The following CLDN14 variants were observed in gnomAD, a reference collection of about 807,000 sequenced individuals.
CLDN14 encodes claudin 14, also known as claudin-14.
CLDN14 carries 2 observed loss-of-function variants against 2.1 expected under a neutral mutation model. That is an observed-to-expected ratio of 0.96 (90% CI 0.39 to 3.01). The LOEUF (loss-of-function observed/expected upper bound fraction) is 3.01, where lower values mean the gene tolerates loss of function less well. Ranked by LOEUF, CLDN14 falls within the 30% of genes most tolerant of loss-of-function variation. CLDN14 has a pLI of 0.09. For synonymous variants in CLDN14, 136 were observed against 154.4 expected, an observed-to-expected ratio of 0.88 and a Z score of 0.88; for missense variants, 298 against 328.0, an observed-to-expected ratio of 0.91 and a Z score of 0.71.
intron 2 of CLDN14, among the ~76,000 whole-genome samples, chr21:36,496,440 A>G (rs926487877): frequency 2.0e-5 from 3 of 147,372 alleles, no homozygotes; most frequent in Non-Finnish European, 3.0e-5. Context: ...TTGTTTCAAA[A>G]AAAAAAAAAA....
intron 1 of CLDN14, among the ~76,000 whole-genome samples, chr21:36,462,422 C>T (rs539985533): frequency 8.1e-4 from 124 of 152,236 alleles, no homozygotes; most frequent in African/African-American, 2.7e-3. Flanking sequence ...CACGGACCTC[C>T]GCTCCCAACA....
chr21:36,466,311 A>G (rs1182635095), intron 1 of CLDN14: 4 of 152,210 alleles, frequency 2.6e-5, no homozygotes. Context: ...TCATGCTGCT[A>G]TGAAGAACTG....
chr21:36,561,290 G>A (rs922277733), intron 1 of CLDN14, among the ~76,000 whole-genome samples: 1 of 152,246 alleles, frequency 6.6e-6, no homozygotes, highest in African/African-American at 2.4e-5. Flanking sequence ...TCTGTGGGTG[G>A]TGCTGGCTGT....
chr21:36,550,180 C>T (rs1247365341), intron 1 of CLDN14, among the ~76,000 whole-genome samples: 1 of 152,192 alleles, frequency 6.6e-6, no homozygotes, highest in Admixed American at 6.5e-5. Flanking sequence ...ACTAGGAGGA[C>T]ACAACCTACG....
intron 2 of CLDN14, among the ~76,000 whole-genome samples, chr21:36,504,883 G>A (rs2087118421): frequency 6.6e-6 from 1 of 152,168 alleles, no homozygotes; most frequent in Admixed American, 6.5e-5. Flanking sequence ...CCCAGAGATA[G>A]GAAAAGCTGG....
At chr21:36,563,237 T>C (rs551664776) in intron 1 of CLDN14, among the ~76,000 whole-genome samples, 1 of 152,302 alleles carries the variant, frequency 6.6e-6, no homozygotes, top group Admixed American at 6.5e-5. Flanking sequence ...CTAGAACAAG[T>C]TGCAGGTAAT....
intron 1 of CLDN14, among the ~76,000 whole-genome samples, chr21:36,572,881 T>TATTA (rs1234322613): frequency 6.6e-6 from 1 of 152,220 alleles, no homozygotes; most frequent in African/African-American, 2.4e-5. Context: ...AAATAATAGC[T>TATTA]ATTACTATTT....
At position 36,461,282 on chromosome 21, in the gene CLDN14, C is replaced by T. The variant is rs142846225; in HGVS notation, c.414G>A (p.Trp138Ter). The part of the protein sequence containing the change: ...AGLLCMVAVS[W>*]TTNDVVQNFY... ...AGTTCTGCACCACGTCGTTGGTGGT[C>T]CAGGAGACGGCCACCATGCACAGGA... is the stretch of plus-strand genomic sequence containing the variant. Residue 138 changes from tryptophan (W) to a stop codon, truncating the protein, a stop_gained, in exon 2 of 2, where the codon TGG becomes TGA. Transcript: ENST00000399135. LOFTEE classifies it high-confidence loss of function. 12 of 1,613,640 alleles carry T rather than the reference C, an allele frequency of 7.4e-6. No individual in the cohort carries two copies. The African/African-American group carries it at 1.6e-4, about 22-fold the overall frequency.
chr21:36,518,314 C>G (rs954626906), intron 1 of CLDN14, among the ~76,000 whole-genome samples: 1 of 152,098 alleles, frequency 6.6e-6, no homozygotes, highest in Non-Finnish European at 1.5e-5. Context: ...AAAGTTCATA[C>G]TTCTGGCCGG....
At chr21:36,558,762 G>GT (rs35231431) in intron 1 of CLDN14, among the ~76,000 whole-genome samples, 73,429 of 147,970 alleles carry the variant, frequency 0.5, 19,973 homozygotes, top group Non-Finnish European at 0.62. Context: ...ACAAGGTGGG[G>GT]TTTTTTTTTT....
At chr21:36,493,218 G>A (rs1169400709) in intron 2 of CLDN14, among the ~76,000 whole-genome samples, 1 of 152,132 alleles carries the variant, frequency 6.6e-6, no homozygotes, top group Non-Finnish European at 1.5e-5. Context: ...TGTGAGAGGG[G>A]CCTTCGTCCT....
chr21:36,561,015 T>C (rs1419181384), intron 1 of CLDN14, among the ~76,000 whole-genome samples: 1 of 152,040 alleles, frequency 6.6e-6, no homozygotes, highest in Non-Finnish European at 1.5e-5. Context: ...CATAATCTTA[T>C]ATTTTTTATG....
At position 36,461,262 on chromosome 21, in the gene CLDN14, T is replaced by C; in HGVS notation, c.434A>G (p.Gln145Arg). The change falls in exon 2 of 2, where the codon CAG becomes CGG. Residue 145 changes from glutamine to arginine, a missense_variant. Transcript: ENST00000399135. Reference protein sequence around the residue: ...AVSWTTNDVVQNFYNPLLPSG... With the variant: ...AVSWTTNDVVRNFYNPLLPSG... ...GGGCAGCAGCGGGTTGTAGAAGTTC[T>C]GCACCACGTCGTTGGTGGTCCAGGA... is the stretch of plus-strand genomic sequence containing the variant. 6.2e-7 allele frequency: 1 copy of C among 1,613,940 alleles called. No homozygotes were observed. Among genetic ancestry groups the C allele is most frequent in the Non-Finnish European group, 8.5e-7 (1 of 1,180,032 alleles).
At chr21:36,509,948 C>T (rs934648137) in intron 2 of CLDN14, among the ~76,000 whole-genome samples, 4 of 152,174 alleles carry the variant, frequency 2.6e-5, no homozygotes, top group African/African-American at 7.2e-5. Flanking sequence ...TGTTTACTGG[C>T]CACCTACACA....
intron 1 of CLDN14, among the ~76,000 whole-genome samples, chr21:36,554,381 T>G (rs399522): frequency 0.75 from 113,324 of 152,032 alleles, 43,847 homozygotes; most frequent in Non-Finnish European, 0.87. Flanking sequence ...AAGAAGGGCT[T>G]GTCCAGGTAC....
intron 2 of CLDN14, among the ~76,000 whole-genome samples, chr21:36,508,050 A>T (rs7281449): frequency 0.055 from 8,370 of 152,210 alleles, 469 homozygotes; most frequent in African/African-American, 0.14. Context: ...AGCCAGGGAG[A>T]GCTGGGGAAG....
At chr21:36,512,093 CA>C (rs1196881958) in intron 1 of CLDN14, among the ~76,000 whole-genome samples, 5 of 152,268 alleles carry the variant, frequency 3.3e-5, no homozygotes, top group African/African-American at 9.6e-5. Context: ...GTGAGCAGAA[CA>C]AAGAGATAAT....
At chr21:36,571,917 T>A (rs1162351894) in intron 1 of CLDN14, among the ~76,000 whole-genome samples, 2 of 152,176 alleles carry the variant, frequency 1.3e-5, no homozygotes, top group Non-Finnish European at 2.9e-5. Context: ...ACTAAAAGCA[T>A]GGCAGTGGAT....
At chr21:36,508,494 C>T (rs2087153839) in intron 2 of CLDN14, among the ~76,000 whole-genome samples, 1 of 152,174 alleles carries the variant, frequency 6.6e-6, no homozygotes, top group East Asian at 1.9e-4. Flanking sequence ...CGGAATTAAG[C>T]TTATAAAGAC....
Sources: allele counts gnomAD v4.1 joint callset (sites outside exome capture counted in the v4.1 genomes callset), GRCh38; gene constraint gnomAD v4.1.1; transcripts MANE v1.5; gene names NCBI Gene and HGNC (gene_info 2026-07-23, HGNC 2026-07-21).